Variants in TRIM35 observed in about 807,000 individuals in gnomAD.
TRIM35 encodes tripartite motif containing 35.
Under a neutral mutation model 49.1 loss-of-function variants are expected in TRIM35, and 37 were observed. That is an observed-to-expected ratio of 0.75 (90% CI 0.58 to 0.99). The LOEUF is 0.99. Ranked by LOEUF, TRIM35 falls within the 50% of genes least tolerant of loss-of-function variation. The pLI, the probability that TRIM35 is intolerant of heterozygous loss-of-function variation, is 0.00. For missense variants in TRIM35, 648 were observed against 702.7 expected, an observed-to-expected ratio of 0.92 and a Z score of 0.88; for synonymous variants, 302 against 289.3, an observed-to-expected ratio of 1.04 and a Z score of -0.45.
chr8:27,310,976 GC>G lies in TRIM35; in HGVS notation c.259del (p.Ala87ProfsTer51), dbSNP rs1428447247. 6.2e-7 allele frequency: 1 copy of G among 1,612,108 alleles called. No homozygotes were observed. The highest frequency in any genetic ancestry group is 1.7e-5 in the Admixed American group (1 of 59,878). On this transcript the variant is annotated frameshift_variant, in exon 1 of 6. Coordinates refer to ENST00000305364, the MANE Select transcript of TRIM35 (RefSeq NM_171982.5). LOFTEE classifies it high-confidence loss of function. ...GTAGCTGGTCCAGCGCGCGCCCTCG[GC>G]CTCCTCGCGCAGCAGCTTCTCCACC... is the stretch of plus-strand genomic sequence containing the variant. ...NLVEKLLREE[A>X]EGARWTSYRF...
At chr8:27,294,777 C>G (rs1802532304) in intron 2 of TRIM35, among the ~76,000 whole-genome samples, 1 of 152,086 alleles carries the variant, frequency 6.6e-6, no homozygotes, top group Non-Finnish European at 1.5e-5. Context: ...TTAAAACAAT[C>G]ATTAAAATAA....
At chr8:27,288,303 C>T (rs982806927) in intron 5 of TRIM35, among the ~76,000 whole-genome samples, 176 bp from the exon 6 acceptor site, 1 of 152,134 alleles carries the variant, frequency 6.6e-6, no homozygotes. Flanking sequence ...AGAAGATATG[C>T]GGCAGTCCCA....
rs1300953275 is a variant in TRIM35 at position 27,301,172 on chromosome 8, T to A, written c.436-2613A>T. Among the ~76,000 whole-genome samples, 3 of 152,240 alleles carry A rather than the reference T, an allele frequency of 2.0e-5. No homozygotes were observed. The East Asian group carries it at 5.8e-4, about 29-fold the overall frequency. ...GCTAGCAAGCAGTTACTATTAAGCA[T>A]GTACTAGACACAAGGCACTAAATTA... On this transcript the variant is annotated intron_variant, in intron 1 of 5. Coordinates refer to ENST00000305364, the MANE Select transcript of TRIM35 (RefSeq NM_171982.5).
chr8:27,311,140 G>T lies in TRIM35; in HGVS notation c.96C>A (p.Val32=), dbSNP rs749928696. ...AGAAGTTGTGGCCGCAGCGCAGAGT[G>T]ACTGCGTCGCGGAAGGGGTCGTAGC... ...AVCYDPFRDA[V]TLRCGHNFCR... Residue 32 remains valine (V), a synonymous_variant, in exon 1 of 6, where the codon GTC becomes GTA. Coordinates refer to ENST00000305364, the MANE Select transcript of TRIM35 (RefSeq NM_171982.5). The T allele has an allele frequency of 6.2e-7, 1 of 1,604,602 alleles. No individual in the cohort carries two copies. Among genetic ancestry groups the T allele is most frequent in the Admixed American group, 1.7e-5 (1 of 58,500 alleles).
chr8:27,311,243 G>T lies in TRIM35; in HGVS notation c.-8C>A. 2.0e-6 allele frequency: 3 copies of T among 1,512,672 alleles called. No individual in the cohort carries two copies. Among genetic ancestry groups the T allele is most frequent in the Non-Finnish European group, 2.7e-6 (3 of 1,130,232 alleles). 93.7% of individuals were successfully genotyped at this position (1,512,672 alleles called of 1,614,324 possible). On this transcript the variant is annotated 5_prime_UTR_variant, in exon 1 of 6. Transcript: ENST00000305364. The stretch of plus-strand genomic sequence containing the variant: ...GTCGGGACTCCGCTCCATGGCACGA[G>T]CAGCCGGCTCGGGCGCCCGGAACTT...
In TRIM35 at chr8:27,286,475, G is replaced by C. The variant is rs1472069317; in HGVS notation, c.*1075C>G. Reference sequence around the variant, plus strand: ...AGACGCTGATGAGAATTAACCAGAGGAACTTCCTCCACAGCAACTATAACA... The same window carrying C: ...AGACGCTGATGAGAATTAACCAGAGCAACTTCCTCCACAGCAACTATAACA... On this transcript the variant is annotated 3_prime_UTR_variant, in exon 6 of 6. Coordinates refer to ENST00000305364, the MANE Select transcript of TRIM35 (RefSeq NM_171982.5). 2.1e-5 allele frequency: 5 copies of C among 238,912 alleles called. No homozygotes were observed. The highest frequency in any genetic ancestry group is 1.1e-4 in the African/African-American group (5 of 43,964). The allele number at this position is 238,912 out of a possible 1,614,324, so 14.8% of individuals were successfully genotyped here.
intron 2 of TRIM35, among the ~76,000 whole-genome samples, chr8:27,296,744 A>G (rs897000769): frequency 6.6e-6 from 1 of 152,228 alleles, no homozygotes; most frequent in African/African-American, 2.4e-5. Flanking sequence ...TGACTACTGG[A>G]AAAACAACTC....
In TRIM35 at chr8:27,286,082, C is replaced by T. The variant is rs987491307; in HGVS notation, c.*1468G>A. 4.4e-6 allele frequency: 2 copies of T among 456,150 alleles called. No homozygotes were observed. The highest frequency in any genetic ancestry group is 1.4e-4 in the East Asian group (2 of 14,400). The allele number at this position is 456,150 out of a possible 1,614,324, so 28.3% of individuals were successfully genotyped here. ...GCTTTTGTGAACTGAAGGGGATGGG[C>T]AGAAGGCAGGATGCTGTCCTTGGTC... On this transcript the variant is annotated 3_prime_UTR_variant, in exon 6 of 6. Coordinates refer to ENST00000305364, the MANE Select transcript of TRIM35 (RefSeq NM_171982.5).
chr8:27,291,353 A>C (rs1380253927), intron 3 of TRIM35, among the ~76,000 whole-genome samples: 1 of 152,188 alleles, frequency 6.6e-6, no homozygotes, highest in Non-Finnish European at 1.5e-5. Context: ...GCAATACACA[A>C]GGAGATACCA....
intron 1 of TRIM35, among the ~76,000 whole-genome samples, chr8:27,301,893 C>G (rs946464538): frequency 6.6e-6 from 1 of 152,194 alleles, no homozygotes; most frequent in Non-Finnish European, 1.5e-5. Flanking sequence ...CATGGTGTGA[C>G]CAGGTAGCTC....
Position 27,298,470 on chromosome 8 carries a change from G to C in TRIM35, c.525C>G (p.His175Gln). 7 of 1,614,144 alleles carry C rather than the reference G, an allele frequency of 4.3e-6. No individual in the cohort carries two copies. The highest frequency in any genetic ancestry group is 5.9e-6 in the Non-Finnish European group (7 of 1,180,014). Residue 175 changes from histidine to glutamine, a missense_variant, in exon 2 of 6, where the codon CAC (histidine) becomes CAG (glutamine). By Grantham distance (24) the His-to-Gln change is conservative. Transcript: ENST00000305364. ...MRRSYEAIAK[H>Q]NQVEAAWLEG... ...GGCCCCATCGTTCGCTCACCTGATT[G>C]TGCTTGGCGATGGCCTCATAGGAGC...
In TRIM35 at chr8:27,311,060, A is replaced by C; in HGVS notation, c.176T>G (p.Val59Gly). The change falls in exon 1 of 6, where the codon GTG becomes GGG. Residue 59 changes from valine to glycine, a missense_variant. Physicochemically the swap from Val to Gly is moderately radical, Grantham distance 109. Coordinates refer to ENST00000305364, the MANE Select transcript of TRIM35 (RefSeq NM_171982.5). ...GGCGGGTGACGCGCGGTCTTTGCAC[A>C]CTGGGCAGGTGGGCGACACCTGCAC... ...WEVQVSPTCPVCKDRASPADL... is the reference protein window; with the variant it reads ...WEVQVSPTCPGCKDRASPADL... 1 of 1,597,914 alleles carries C rather than the reference A, an allele frequency of 6.3e-7. No individual in the cohort carries two copies. Among genetic ancestry groups the C allele is most frequent in the Non-Finnish European group, 8.5e-7 (1 of 1,173,078 alleles).
chr8:27,297,402 A>G (rs1275536294), intron 2 of TRIM35, among the ~76,000 whole-genome samples: 1 of 152,222 alleles, frequency 6.6e-6, no homozygotes, highest in Non-Finnish European at 1.5e-5. Flanking sequence ...GACCTGGAGG[A>G]AGAGAGGGTG....
At chr8:27,301,448 C>T (rs1223712326) in intron 1 of TRIM35, among the ~76,000 whole-genome samples, 1 of 152,168 alleles carries the variant, frequency 6.6e-6, no homozygotes, top group Non-Finnish European at 1.5e-5. Context: ...GCAGTGGTAC[C>T]AATTTTTACA....
At position 27,287,552 on chromosome 8, in the gene TRIM35, A is replaced by G. The variant is rs1802351325; in HGVS notation, c.1480T>C (p.Ter494ArgextTer98). ...GACCGGGGCAGCCCCGGGCCAGCTC[A>G]GCCATCCAGTTCTTCCTTGACACTG... ...HISVKEELDG[*>R] is the part of the protein sequence containing the mutation. Residue 494 changes from the stop codon to arginine, a stop_lost, in exon 6 of 6, where the codon TGA (stop) becomes CGA (arginine). Transcript: ENST00000305364. This position sits in a 1 kb window ranked among gnomAD's most constrained non-coding sequence, Gnocchi z 6.0. The G allele has an allele frequency of 1.9e-6, 3 of 1,574,614 alleles. No homozygotes were observed. Among genetic ancestry groups the G allele is most frequent in the Non-Finnish European group, 2.6e-6 (3 of 1,159,230 alleles).
chr8:27,298,885 A>G (rs1400465998), intron 1 of TRIM35, among the ~76,000 whole-genome samples: 1 of 152,194 alleles, frequency 6.6e-6, no homozygotes, highest in Non-Finnish European at 1.5e-5. Flanking sequence ...CATGTGGGCC[A>G]AAAGCTGGTT....
At chr8:27,309,099 C>T (rs956465249) in intron 1 of TRIM35, among the ~76,000 whole-genome samples, 1 of 152,210 alleles carries the variant, frequency 6.6e-6, no homozygotes, top group Non-Finnish European at 1.5e-5. Flanking sequence ...CCTTGCAGTA[C>T]CAGGCATCTG....
intron 1 of TRIM35, among the ~76,000 whole-genome samples, chr8:27,303,345 C>T (rs969550864): frequency 1.3e-5 from 2 of 152,102 alleles, no homozygotes; most frequent in African/African-American, 2.4e-5. Context: ...TTCTTCCTTT[C>T]CTTTTTTAAA....
chr8:27,303,062 G>T (rs1586053348), intron 1 of TRIM35, among the ~76,000 whole-genome samples: 1 of 152,192 alleles, frequency 6.6e-6, no homozygotes, highest in Middle Eastern at 3.4e-3. Flanking sequence ...TTTGCTGTAA[G>T]TTTTTTTGCT....
Sources: allele counts gnomAD v4.1 joint callset (sites outside exome capture counted in the v4.1 genomes callset), GRCh38; gene constraint gnomAD v4.1.1; non-coding constraint Gnocchi (gnomAD v3.1); transcripts MANE v1.5; gene names NCBI Gene and HGNC (gene_info 2026-07-23, HGNC 2026-07-21).